The following TC2N variants were observed in gnomAD, a reference collection of about 807,000 sequenced individuals.
The protein encoded by TC2N is tandem C2 domains nuclear protein.
TC2N carries 51 observed loss-of-function variants against 61.9 expected under a neutral mutation model. The ratio of observed to expected loss-of-function variants is 0.82; its 90% CI spans 0.66 to 1.04. TC2N has a LOEUF of 1.04. Among genes scored for constraint, TC2N ranks in the 50% least tolerant of loss-of-function variants. The probability of loss-of-function intolerance (pLI) is 0.00; values close to 1 mark genes in which losing one functional copy is unlikely to be tolerated. For missense variants in TC2N, 556 were observed against 566.7 expected, an observed-to-expected ratio of 0.98 and a Z score of 0.19; for synonymous variants, 204 against 192.6, an observed-to-expected ratio of 1.06 and a Z score of -0.49.
chr14:91,789,681 G>T (rs143175732), intron 9 of TC2N, among the ~76,000 whole-genome samples: 3 of 150,526 alleles, frequency 2.0e-5, no homozygotes, highest in Non-Finnish European at 3.0e-5. Context: ...ACTTGCCAAG[G>T]TTATTTCACA....
intron 3 of TC2N, among the ~76,000 whole-genome samples, chr14:91,804,481 C>T (rs1886412377): frequency 1.3e-5 from 2 of 152,112 alleles, no homozygotes; most frequent in Admixed American, 6.6e-5. Context: ...ATACTTACTA[C>T]ATACAAATTC....
At chr14:91,833,997 T>C (rs1003694486) in intron 1 of TC2N, among the ~76,000 whole-genome samples, 6 of 152,202 alleles carry the variant, frequency 3.9e-5, no homozygotes, top group South Asian at 2.1e-4. Context: ...AAGAGCTTTT[T>C]CCCCTGAATG....
chr14:91,822,904 A>T (rs1259013253), intron 1 of TC2N, among the ~76,000 whole-genome samples: 1 of 151,100 alleles, frequency 6.6e-6, no homozygotes. Flanking sequence ...TTTAGTAGAG[A>T]CGGGGTTTCA....
At chr14:91,793,850 C>G (rs140829343) in intron 8 of TC2N, among the ~76,000 whole-genome samples, 1 of 152,064 alleles carries the variant, frequency 6.6e-6, no homozygotes, top group African/African-American at 2.4e-5. Flanking sequence ...CGTACATCTC[C>G]GACTTTAAAT....
At chr14:91,787,796 T>G (rs1289004795) in intron 9 of TC2N, among the ~76,000 whole-genome samples, 169 bp from the exon 10 acceptor site, 1 of 152,206 alleles carries the variant, frequency 6.6e-6, no homozygotes, top group African/African-American at 2.4e-5. Context: ...TCATGAATTC[T>G]TTAAAGTACT....
intron 3 of TC2N, among the ~76,000 whole-genome samples, chr14:91,809,024 G>A (rs1566772102): frequency 6.6e-6 from 1 of 152,140 alleles, no homozygotes. Flanking sequence ...CTGTAAGCCA[G>A]AACTTTTTAA....
chr14:91,799,900 T>C (rs1444994329), intron 5 of TC2N, among the ~76,000 whole-genome samples: 1 of 152,100 alleles, frequency 6.6e-6, no homozygotes, highest in Non-Finnish European at 1.5e-5. Context: ...GGATGCAGTG[T>C]TAACATCAGT....
At chr14:91,787,741 A>C in intron 9 of TC2N, 114 bp from the exon 10 acceptor site, 2 of 617,332 alleles carry the variant, frequency 3.2e-6, no homozygotes, top group Non-Finnish European at 5.7e-6. Context: ...CTTTCAAATG[A>C]TATTCAAAAC....
At position 91,843,114 on chromosome 14, in the gene TC2N, C is replaced by G. The variant is rs560676049; in HGVS notation, c.-57+24148G>C. On this transcript the variant is annotated intron_variant, in intron 1 of 11. Transcript: ENST00000435962. ...ATGCTAGAAGACTTCCCTGGGCCAGCCAGCTGCTCCAAGGAGGGTAAGACA... is the reference window on the plus strand; with the variant it reads ...ATGCTAGAAGACTTCCCTGGGCCAGGCAGCTGCTCCAAGGAGGGTAAGACA... Among the ~76,000 whole-genome samples, 3 of 152,240 alleles carry G rather than the reference C, an allele frequency of 2.0e-5. No individual in the cohort carries two copies. The East Asian group carries it at 5.8e-4, about 29-fold the overall frequency.
At chr14:91,836,572 G>GGACGA (rs1566785996) in intron 1 of TC2N, 31 of 152,050 alleles carry the variant, frequency 2.0e-4, no homozygotes, top group African/African-American at 7.4e-4. Context: ...GGGCGCTAAG[G>GGACGA]GGCGAGGCGA....
At chr14:91,836,817 GA>G in intron 1 of TC2N, among the ~76,000 whole-genome samples, 1 of 152,326 alleles carries the variant, frequency 6.6e-6, no homozygotes, top group Non-Finnish European at 1.5e-5. Flanking sequence ...CAAGCGGTAG[GA>G]GGGGGAAGAG....
intron 1 of TC2N, among the ~76,000 whole-genome samples, chr14:91,857,332 C>A (rs2139923599): frequency 6.6e-6 from 1 of 152,306 alleles, no homozygotes. Flanking sequence ...GATTTCAAAT[C>A]TTTCTGAAAT....
intron 5 of TC2N, 149 bp from the exon 6 acceptor site, chr14:91,799,213 GAA>G (rs35831554): frequency 0.032 from 12,072 of 381,034 alleles, no homozygotes; most frequent in South Asian, 0.053. Context: ...ACAGGTAGTG[GAA>G]AAAAAAAAAA....
intron 1 of TC2N, among the ~76,000 whole-genome samples, chr14:91,824,937 G>T (rs918441966): frequency 5.9e-5 from 9 of 151,528 alleles, no homozygotes; most frequent in African/African-American, 2.4e-5. Context: ...GCAACAGAAA[G>T]AGTAGTTAGC....
intron 1 of TC2N, among the ~76,000 whole-genome samples, chr14:91,850,559 C>T (rs1252059332): frequency 1.3e-5 from 2 of 152,208 alleles, no homozygotes; most frequent in Admixed American, 1.3e-4. Context: ...AGATCAGTGG[C>T]AGCATTAGAT....
intron 1 of TC2N, among the ~76,000 whole-genome samples, chr14:91,823,475 AC>A (rs1887350529): frequency 6.6e-6 from 1 of 151,674 alleles, no homozygotes; most frequent in East Asian, 1.9e-4. Context: ...AGCCGAGATC[AC>A]GCCATTGCAC....
chr14:91,863,090 G>T (rs1309959293), intron 1 of TC2N, among the ~76,000 whole-genome samples: 1 of 152,260 alleles, frequency 6.6e-6, no homozygotes, highest in African/African-American at 2.4e-5. Context: ...GGCTTAGAAA[G>T]ACTGGCTGTG....
At chr14:91,839,217 C>T (rs556745689) in intron 1 of TC2N, among the ~76,000 whole-genome samples, 47 of 152,310 alleles carry the variant, frequency 3.1e-4, no homozygotes, top group African/African-American at 1.1e-3. Flanking sequence ...TTCCATCACA[C>T]CTTTTTGACC....
intron 9 of TC2N, among the ~76,000 whole-genome samples, chr14:91,788,497 T>C (rs541239651): frequency 5.3e-5 from 8 of 152,306 alleles, no homozygotes; most frequent in African/African-American, 1.4e-4. Context: ...GGGCTCAGCA[T>C]AGACAGACAC....
Sources: gnomAD v4.1 joint callset for allele counts (sites outside exome capture counted in the v4.1 genomes callset) on GRCh38, gnomAD v4.1.1 for gene constraint, MANE v1.5 for transcripts, NCBI Gene and HGNC (gene_info 2026-07-23, HGNC 2026-07-21) for gene names.